The following MAML3 variants were observed in gnomAD, a reference collection of about 807,000 sequenced individuals.
MAML3 encodes the protein mastermind like transcriptional coactivator 3.
In MAML3, 27 loss-of-function variants were observed where a neutral mutation model predicts 101.9. That is an observed-to-expected ratio of 0.27 (90% CI 0.20 to 0.37). The LOEUF (loss-of-function observed/expected upper bound fraction) is 0.37, where lower values mean the gene tolerates loss of function less well. MAML3 is among the 10% of genes least tolerant of loss of function. MAML3 has a pLI of 1.00. For missense variants in MAML3, 1,316 were observed against 1,444.9 expected (o/e 0.91, Z 1.45); for synonymous variants, 501 against 555.9 (o/e 0.90, Z 1.39).
At chr4:139,777,450 T>C (rs991777119) in intron 2 of MAML3, among the ~76,000 whole-genome samples, 3 of 152,242 alleles carry the variant, frequency 2.0e-5, no homozygotes, top group Non-Finnish European at 4.4e-5. Flanking sequence ...CAAGCCATCA[T>C]CATCACTTGC....
At chr4:140,032,562 A>T (rs931877297) in intron 1 of MAML3, among the ~76,000 whole-genome samples, 13 of 152,228 alleles carry the variant, frequency 8.5e-5, no homozygotes, top group African/African-American at 2.7e-4. Context: ...CCTGTAAGTT[A>T]TCTGAAAATA....
chr4:139,916,516 T>C (rs1444787140), intron 1 of MAML3, among the ~76,000 whole-genome samples: 1 of 152,230 alleles, frequency 6.6e-6, no homozygotes, highest in Non-Finnish European at 1.5e-5. Flanking sequence ...ATATCACTAC[T>C]GAAGCGCCGA....
intron 1 of MAML3, among the ~76,000 whole-genome samples, chr4:140,061,550 G>A (rs1727448442): frequency 6.6e-6 from 1 of 152,118 alleles, no homozygotes; most frequent in Non-Finnish European, 1.5e-5. Flanking sequence ...GTCAACTCAA[G>A]GCAAGTAACA....
intron 2 of MAML3, among the ~76,000 whole-genome samples, chr4:139,761,384 T>C (rs1195506453): frequency 6.6e-6 from 1 of 151,764 alleles, no homozygotes; most frequent in African/African-American, 2.4e-5. Flanking sequence ...AAAGAGAGTC[T>C]GGAGGGGGCG....
chr4:140,060,352 T>A (rs1560880590), intron 1 of MAML3, among the ~76,000 whole-genome samples: 2 of 17,230 alleles, frequency 1.2e-4, no homozygotes, highest in African/African-American at 1.3e-4. Context: ...GGCGACAGAG[T>A]AAGACTCTGT....
chr4:139,812,228 C>T (rs1182208534), intron 2 of MAML3, among the ~76,000 whole-genome samples: 2 of 152,084 alleles, frequency 1.3e-5, no homozygotes, highest in African/African-American at 4.8e-5. Flanking sequence ...CTCTATCCAC[C>T]AGAGCAAGAC....
At chr4:139,909,027 G>A (rs1237015489) in intron 1 of MAML3, among the ~76,000 whole-genome samples, 1 of 152,174 alleles carries the variant, frequency 6.6e-6, no homozygotes, top group Non-Finnish European at 1.5e-5. Context: ...TTTTAAACCT[G>A]CAAGCTTAGT....
chr4:140,098,854 A>G (rs1001867278), intron 1 of MAML3, among the ~76,000 whole-genome samples: 2 of 152,198 alleles, frequency 1.3e-5, no homozygotes, highest in African/African-American at 4.8e-5. Flanking sequence ...TTTGCTCTTA[A>G]AATGAGAAAG....
intron 1 of MAML3, among the ~76,000 whole-genome samples, chr4:139,994,396 G>A (rs151099591): frequency 6.4e-4 from 98 of 152,322 alleles, no homozygotes; most frequent in African/African-American, 2.1e-3. Flanking sequence ...CAGGTGCAGT[G>A]GCTCACGTCT....
intron 1 of MAML3, among the ~76,000 whole-genome samples, chr4:140,025,817 C>T (rs1040264327): frequency 7.2e-5 from 11 of 152,206 alleles, no homozygotes; most frequent in African/African-American, 2.7e-4. Flanking sequence ...AAATGAGTCT[C>T]GGATCTCTGC....
intron 2 of MAML3, among the ~76,000 whole-genome samples, chr4:139,834,312 A>G (rs925914743): frequency 1.1e-4 from 17 of 152,188 alleles, no homozygotes; most frequent in African/African-American, 4.1e-4. Context: ...CAACAATACA[A>G]TACTGTATTC....
rs780369774 is a variant in MAML3, at chr4:139,889,810, C to T, written c.1626G>A (p.Met542Ile). ...FTAEKPNSPM[M>I]YPQAFNNQNP... ...TTTGGTTGTTAAAGGCTTGGGGGTA[C>T]ATCATTGGGCTATTTGGTTTTTCTG... Residue 542 changes from methionine to isoleucine, a missense_variant, in exon 2 of 5, where the codon ATG becomes ATA. Coordinates refer to ENST00000509479, the MANE Select transcript of MAML3 (RefSeq NM_018717.5). 4.3e-6 allele frequency: 7 copies of T among 1,613,914 alleles called. No individual in the cohort carries two copies. The East Asian group carries it at 1.6e-4, about 36-fold the overall frequency.
At chr4:140,132,974 C>T (rs1427417632) in intron 1 of MAML3, 4 of 343,196 alleles carry the variant, frequency 1.2e-5, no homozygotes, top group South Asian at 2.3e-5. Flanking sequence ...GAGTTTATTA[C>T]AAAATGTGAG....
chr4:139,952,033 C>T (rs553343609), intron 1 of MAML3, among the ~76,000 whole-genome samples: 2 of 152,164 alleles, frequency 1.3e-5, no homozygotes, highest in South Asian at 2.1e-4. Context: ...TGTGTAGCGG[C>T]GGGTGCCTGT....
At chr4:140,058,011 T>C (rs1016195875) in intron 1 of MAML3, among the ~76,000 whole-genome samples, 2 of 151,888 alleles carry the variant, frequency 1.3e-5, no homozygotes, top group African/African-American at 2.4e-5. Flanking sequence ...CTGAGGTTGA[T>C]GAAAGACCTC....
intron 2 of MAML3, among the ~76,000 whole-genome samples, chr4:139,792,341 GT>G (rs1471758343): frequency 3.3e-5 from 5 of 152,108 alleles, no homozygotes; most frequent in African/African-American, 1.2e-4. Context: ...AATATAGATG[GT>G]TTTGGAACAG....
chr4:140,121,088 A>C (rs1329591710), intron 1 of MAML3, among the ~76,000 whole-genome samples: 3 of 152,364 alleles, frequency 2.0e-5, no homozygotes, highest in South Asian at 2.1e-4. Flanking sequence ...AATAGCAAAA[A>C]GCAAAGTCAT....
chr4:139,806,681 A>G (rs1730705819), intron 2 of MAML3, among the ~76,000 whole-genome samples: 1 of 152,238 alleles, frequency 6.6e-6, no homozygotes. Flanking sequence ...AAAGGTAAAC[A>G]ACTAAAATGT....
intron 1 of MAML3, among the ~76,000 whole-genome samples, chr4:139,938,955 A>G (rs1192450674): frequency 6.6e-6 from 1 of 152,258 alleles, no homozygotes; most frequent in African/African-American, 2.4e-5. Flanking sequence ...CTTAATGCAT[A>G]TATGTCTAAA....
Sources: allele counts gnomAD v4.1 joint callset (sites outside exome capture counted in the v4.1 genomes callset), GRCh38; gene constraint gnomAD v4.1.1; transcripts MANE v1.5; gene names NCBI Gene and HGNC (gene_info 2026-07-23, HGNC 2026-07-21).